TSGA13: variants seen among roughly 807,000 people sequenced by gnomAD.
The protein encoded by TSGA13 is testis specific 13.
A neutral mutation model predicts 35.1 loss-of-function variants in TSGA13; 37 were observed. The ratio of observed to expected loss-of-function variants is 1.05; its 90% CI spans 0.81 to 1.39. TSGA13 has a LOEUF of 1.39. Ranked by LOEUF, TSGA13 falls within the 40% of genes most tolerant of loss-of-function variation. The probability of loss-of-function intolerance (pLI) is 0.00; values close to 1 mark genes in which losing one functional copy is unlikely to be tolerated. For missense variants in TSGA13, 338 were observed against 328.5 expected, an observed-to-expected ratio of 1.03 and a Z score of -0.22; for synonymous variants, 124 against 121.2, an observed-to-expected ratio of 1.02 and a Z score of -0.15.
chr7:130,668,850 C>T lies in TSGA13; in HGVS notation c.*164G>A. 1 of 1,330,194 alleles carries T rather than the reference C, an allele frequency of 7.5e-7. No individual in the cohort carries two copies. Among genetic ancestry groups the T allele is most frequent in the Non-Finnish European group, 1.0e-6 (1 of 982,204 alleles). The allele number at this position is 1,330,194 out of a possible 1,614,324, so 82.4% of individuals were successfully genotyped here. ...TCGGCCCCCGGGACGCAGCCACGCC[C>T]CCTTCTCCTCTTGCGGCCCGCCGGA... is the stretch of plus-strand genomic sequence containing the variant. On this transcript the variant is annotated 3_prime_UTR_variant, in exon 8 of 8. Transcript: ENST00000356588.
rs1041674282 is a variant in TSGA13 at position 130,686,249 on chromosome 7, A to G, written c.-151+13T>C. On this transcript the variant is annotated intron_variant, in intron 1 of 7. Coordinates refer to ENST00000356588, the MANE Select transcript of TSGA13 (RefSeq NM_052933.4). ...AGGGAAATAGAGTAATAAGCGTTTC[A>G]CCCTTTTCTCACCTTTAATTTTTCT... 4 of 152,120 alleles carry G rather than the reference A, an allele frequency of 2.6e-5. No individual in the cohort carries two copies. The highest frequency in any genetic ancestry group is 7.2e-5 in the African/African-American group (3 of 41,402). 9.4% of individuals were successfully genotyped at this position (152,120 alleles called of 1,614,324 possible).
intron 2 of TSGA13, among the ~76,000 whole-genome samples, chr7:130,684,340 G>A (rs1796613359): frequency 1.3e-5 from 2 of 152,164 alleles, no homozygotes; most frequent in South Asian, 4.2e-4. Context: ...AGAAAATAGG[G>A]TGAAGCAGCT....
chr7:130,668,816 C>G lies in TSGA13; in HGVS notation c.*198G>C. 7.9e-7 allele frequency: 1 copy of G among 1,258,026 alleles called. No homozygotes were observed. The highest frequency in any genetic ancestry group is 2.8e-5 in the East Asian group (1 of 35,600). The allele number at this position is 1,258,026 out of a possible 1,614,324, so 77.9% of individuals were successfully genotyped here. The stretch of plus-strand genomic sequence containing the variant: ...ACTCGGGGCCAAGGCCCGCCCTCCC[C>G]GGCCGCCCTCGGCCCCCGGGACGCA... On this transcript the variant is annotated 3_prime_UTR_variant, in exon 8 of 8. Coordinates refer to ENST00000356588, the MANE Select transcript of TSGA13 (RefSeq NM_052933.4).
intron 3 of TSGA13, among the ~76,000 whole-genome samples, chr7:130,683,282 T>C (rs1398996769): frequency 6.6e-6 from 1 of 152,214 alleles, no homozygotes; most frequent in Non-Finnish European, 1.5e-5. Flanking sequence ...ACAACCAAGA[T>C]ACCCAGTGGA....
intron 3 of TSGA13, among the ~76,000 whole-genome samples, chr7:130,682,151 G>A (rs1056962449): frequency 1.3e-5 from 2 of 151,050 alleles, no homozygotes; most frequent in East Asian, 3.9e-4. Context: ...ACTGAGTCTC[G>A]CTCTGTTGCC....
At chr7:130,673,947 T>C (rs2116305072) in intron 5 of TSGA13, among the ~76,000 whole-genome samples, 1 of 151,642 alleles carries the variant, frequency 6.6e-6, no homozygotes, top group East Asian at 2.0e-4. Flanking sequence ...ACAAAAAAAT[T>C]AGCTGGGCGT....
chr7:130,669,325 T>G, intron 7 of TSGA13, 142 bp from the exon 8 acceptor site: 1 of 865,972 alleles, frequency 1.2e-6, no homozygotes, highest in Non-Finnish European at 1.7e-6. Context: ...TGTAATACCA[T>G]TCCCAACCTA....
rs1796660824 is a variant in TSGA13 at position 130,686,452 on chromosome 7, A to G, written c.-341T>C. On this transcript the variant is annotated 5_prime_UTR_variant, in exon 1 of 8. Coordinates refer to ENST00000356588, the MANE Select transcript of TSGA13 (RefSeq NM_052933.4). ...AACCTGGTGTACACTACCTTTAAGA[A>G]CATCACGAAATCATAGTTTGGTGAA... is the stretch of plus-strand genomic sequence containing the variant. 6.6e-6 allele frequency: 1 copy of G among 152,130 alleles called. No individual in the cohort carries two copies. The highest frequency in any genetic ancestry group is 2.4e-5 in the African/African-American group (1 of 41,414). 9.4% of individuals were successfully genotyped at this position (152,130 alleles called of 1,614,324 possible).
rs782402473 is a variant in TSGA13, at chr7:130,672,819, T to A, written c.445A>T (p.Lys149Ter). ...ENLWLPRMPQ[K>*]KKLRSKLKPI... Reference sequence around the variant, plus strand: ...TTCAGCTTAGATCTTAACTTTTTTTTCTGAGGCATGCGGGGCAGCCAGAGG... The same window carrying A: ...TTCAGCTTAGATCTTAACTTTTTTTACTGAGGCATGCGGGGCAGCCAGAGG... The change falls in exon 6 of 8, where the codon AAA becomes TAA. Residue 149 changes from lysine (K) to a stop codon, truncating the protein, a stop_gained. Transcript: ENST00000356588. LOFTEE classifies it high-confidence loss of function. 6.2e-7 allele frequency: 1 copy of A among 1,614,184 alleles called. No homozygotes were observed. The highest frequency in any genetic ancestry group is 8.5e-7 in the Non-Finnish European group (1 of 1,180,012).
At chr7:130,681,075 C>T (rs543349980) in intron 3 of TSGA13, 58 bp from the exon 4 acceptor site, 1 of 1,423,512 alleles carries the variant, frequency 7.0e-7, no homozygotes, top group African/African-American at 1.4e-5. Context: ...AACAGTATTC[C>T]ATTCCTTACC....
chr7:130,669,313 C>CCTCTAAA, intron 7 of TSGA13, 130 bp from the exon 8 acceptor site: 1 of 1,002,758 alleles, frequency 1.0e-6, no homozygotes, highest in Non-Finnish European at 1.4e-6. Context: ...GATTTTGGAC[C>CCTCTAAA]GTGTAATACC....
chr7:130,672,518 A>G (rs1487280534), intron 6 of TSGA13, among the ~76,000 whole-genome samples: 1 of 151,776 alleles, frequency 6.6e-6, no homozygotes, highest in East Asian at 1.9e-4. Flanking sequence ...ATTTCCCCTC[A>G]ATCTTGAAAC....
chr7:130,672,614 G>A (rs1191417187), intron 6 of TSGA13, 120 bp downstream of exon 6: 18 of 1,338,544 alleles, frequency 1.3e-5, no homozygotes, highest in African/African-American at 3.0e-5. Flanking sequence ...AGGGAAAGTC[G>A]TGTCTTACTA....
rs1301658953 is a variant in TSGA13 at position 130,668,834 on chromosome 7, G to C, written c.*180C>G. 5 of 1,287,844 alleles carry C rather than the reference G, an allele frequency of 3.9e-6. No homozygotes were observed. Among genetic ancestry groups the C allele is most frequent in the Non-Finnish European group, 5.2e-6 (5 of 958,584 alleles). The allele number at this position is 1,287,844 out of a possible 1,614,324, so 79.8% of individuals were successfully genotyped here. A position where few individuals can be genotyped will look rare whatever the true frequency, so the allele number is the denominator to read the frequency against. ...CCCTCCCCGGCCGCCCTCGGCCCCCGGGACGCAGCCACGCCCCCTTCTCCT... is the reference window on the plus strand; with the variant it reads ...CCCTCCCCGGCCGCCCTCGGCCCCCCGGACGCAGCCACGCCCCCTTCTCCT... On this transcript the variant is annotated 3_prime_UTR_variant, in exon 8 of 8. Transcript: ENST00000356588.
rs1018018564 is a variant in TSGA13, at chr7:130,678,153, T to C, written c.387+1002A>G. ...CAGCACTTTGGGAGGCCAAGGCGGGTGGATCACAAGGTCAGAAGATCGAGA... is the reference window on the plus strand; with the variant it reads ...CAGCACTTTGGGAGGCCAAGGCGGGCGGATCACAAGGTCAGAAGATCGAGA... On this transcript the variant is annotated intron_variant, in intron 5 of 7. Transcript: ENST00000356588. Among the ~76,000 whole-genome samples, 14 of 151,348 alleles carry C rather than the reference T, an allele frequency of 9.3e-5. No individual in the cohort carries two copies. In the East Asian group the frequency reaches 2.2e-3, roughly 23 times the overall value.
intron 3 of TSGA13, among the ~76,000 whole-genome samples, chr7:130,682,250 G>A (rs531585339): frequency 6.6e-6 from 1 of 152,072 alleles, no homozygotes; most frequent in Non-Finnish European, 1.5e-5. Flanking sequence ...CTCCTGAGTA[G>A]CTGGGATTAC....
chr7:130,680,861 G>A lies in TSGA13; in HGVS notation c.174+85C>T, dbSNP rs567967147. On this transcript the variant is annotated intron_variant, in intron 4 of 7. Transcript: ENST00000356588. ...GTCACAGAAGCTGGGGACACTTGGA[G>A]GCATTAGGGACACTCGCAGTGGGCA... The A allele has an allele frequency of 4.1e-6, 5 of 1,226,434 alleles. No individual in the cohort carries two copies. In the African/African-American group the frequency reaches 6.0e-5, roughly 15 times the overall value. 76.0% of individuals were successfully genotyped at this position (1,226,434 alleles called of 1,614,324 possible).
chr7:130,671,585 C>G (rs1796267539), intron 7 of TSGA13, 76 bp downstream of exon 7: 2 of 1,405,844 alleles, frequency 1.4e-6, no homozygotes, highest in African/African-American at 1.5e-5. Context: ...TTTGCCACAT[C>G]TATAATCCTC....
At chr7:130,679,113 C>A in intron 5 of TSGA13, 42 bp downstream of exon 5, 4 of 1,471,146 alleles carry the variant, frequency 2.7e-6, no homozygotes, top group Non-Finnish European at 2.8e-6. Flanking sequence ...ACTCCTAATT[C>A]GTCAGGGTTC....
Sources: allele counts gnomAD v4.1 joint callset (sites outside exome capture counted in the v4.1 genomes callset), GRCh38; gene constraint gnomAD v4.1.1; transcripts MANE v1.5; gene names NCBI Gene and HGNC (gene_info 2026-07-23, HGNC 2026-07-21).